The following ZNF562 variants were observed in gnomAD, a reference collection of about 807,000 sequenced individuals.
ZNF562 encodes the protein zinc finger protein 562.
In ZNF562, 13 loss-of-function variants were observed where a neutral mutation model predicts 17.5. The ratio of observed to expected loss-of-function variants is 0.74; its 90% confidence interval spans 0.48 to 1.18. The LOEUF is 1.18. ZNF562 is among the 50% of genes most tolerant of loss of function. The pLI is 0.00. For synonymous variants in ZNF562, 163 were observed against 165.4 expected (o/e 0.99, Z 0.11); for missense variants, 481 against 498.5 (o/e 0.96, Z 0.33).
intron 5 of ZNF562, among the ~76,000 whole-genome samples, chr19:9,655,713 C>CTTTTTTTTTTTTTTT (rs2043444189): frequency 1.8e-5 from 1 of 54,550 alleles, no homozygotes; most frequent in Middle Eastern, 0.013. Context: ...ACTTTCTTTT[C>CTTTTTTTTTTTTTTT]TTTCTTTTTT....
At position 9,647,771 on chromosome 19, in the gene ZNF562, A is replaced by AACCC; in HGVS notation, c.*5174_*5177dup. ...GAGGCTGAGGCAGGAGAACCACTGG[A>AACCC]ACCCAGGAGGTGGAATTTGCAGTAA... is the stretch of plus-strand genomic sequence containing the variant. On this transcript the variant is annotated 3_prime_UTR_variant, in exon 6 of 6. Transcript: ENST00000453372. 6.6e-6 allele frequency: 1 copy of AACCC among 152,300 alleles called. No individual in the cohort carries two copies. Among genetic ancestry groups the AACCC allele is most frequent in the East Asian group, 1.9e-4 (1 of 5,188 alleles). The allele number at this position is 152,300 out of a possible 1,614,324, so 9.4% of individuals were successfully genotyped here.
Position 9,649,666 on chromosome 19 carries a change from A to T in ZNF562, c.*3283T>A, listed in dbSNP as rs11880397. On this transcript the variant is annotated 3_prime_UTR_variant, in exon 6 of 6. Transcript: ENST00000453372. ...TTCCCACCTAATAAATTTTAGTCAG[A>T]CCAGTTGATCTCAAAACCGTCTCCT... The T allele has an allele frequency of 0.13, 19,071 of 152,100 alleles. 1,425 individuals are homozygous for T. Among genetic ancestry groups the T allele is most frequent in the Admixed American group, 0.23 (3,538 of 15,266 alleles). The allele number at this position is 152,100 out of a possible 1,614,324, so 9.4% of individuals were successfully genotyped here.
chr19:9,656,585 C>T lies in ZNF562; in HGVS notation c.310G>A (p.Gly104Ser). The T allele has an allele frequency of 6.2e-7, 1 of 1,613,942 alleles. No homozygotes were observed. The highest frequency in any genetic ancestry group is 8.5e-7 in the Non-Finnish European group (1 of 1,179,966). Residue 104 changes from glycine (G) to serine (S), a missense_variant, in exon 5 of 6, where the codon GGT (glycine) becomes AGT (serine). By Grantham distance (56) the Gly-to-Ser change is moderately conservative. Transcript: ENST00000453372. ...GTGAATATTTGATTCTTCAAAAAAC[C>T]CTGCTGAAGTGATGACCGTTTGGTT... is the stretch of plus-strand genomic sequence containing the variant. ...PRTKRSSLQQGFLKNQIFTGI... is the reference protein window; with the variant it reads ...PRTKRSSLQQSFLKNQIFTGI...
intron 1 of ZNF562, among the ~76,000 whole-genome samples, chr19:9,666,142 T>A (rs2043946950): frequency 6.6e-6 from 1 of 151,722 alleles, no homozygotes; most frequent in Non-Finnish European, 1.5e-5. Context: ...CTGACCAACA[T>A]AGAGAAACAC....
chr19:9,655,717 C>CTTTCTTTTTTTT (rs2043447309), intron 5 of ZNF562, among the ~76,000 whole-genome samples: 9 of 48,688 alleles, frequency 1.8e-4, no homozygotes, highest in African/African-American at 6.5e-4. Context: ...TCTTTTCTTT[C>CTTTCTTTTTTTT]TTTTTTTTTT....
chr19:9,656,871 A>AAAAAAAAAATAT (rs376933513), intron 4 of ZNF562, among the ~76,000 whole-genome samples: 33 of 142,442 alleles, frequency 2.3e-4, no homozygotes, highest in Admixed American at 1.3e-3. Flanking sequence ...AAAATACAAA[A>AAAAAAAAAATAT]ATATATATAT....
At chr19:9,673,237 G>A (rs2044266584) in intron 1 of ZNF562, among the ~76,000 whole-genome samples, 1 of 152,140 alleles carries the variant, frequency 6.6e-6, no homozygotes, top group East Asian at 1.9e-4. Flanking sequence ...CCACGGGGGA[G>A]AGACACAGAA....
At chr19:9,658,605 C>T (rs1411633500) in intron 3 of ZNF562, among the ~76,000 whole-genome samples, 1 of 152,202 alleles carries the variant, frequency 6.6e-6, no homozygotes, top group African/African-American at 2.4e-5. Context: ...CCACCTCAGC[C>T]TCCCAAGGTG....
rs966241111 is a variant in ZNF562 at position 9,675,039 on chromosome 19, A to G, written c.-155T>C. On this transcript the variant is annotated 5_prime_UTR_variant, in exon 1 of 6. Coordinates refer to ENST00000453372, the MANE Select transcript of ZNF562 (RefSeq NM_001130031.2). ...CCACAGCGGGGTGGACTCCACCACAATAAAGGTTAAACGGCACTGACCATG... is the reference window on the plus strand; with the variant it reads ...CCACAGCGGGGTGGACTCCACCACAGTAAAGGTTAAACGGCACTGACCATG... 1 of 152,316 alleles carries G rather than the reference A, an allele frequency of 6.6e-6. No individual in the cohort carries two copies. Among genetic ancestry groups the G allele is most frequent in the African/African-American group, 2.4e-5 (1 of 41,460 alleles). The allele number at this position is 152,316 out of a possible 1,614,324, so 9.4% of individuals were successfully genotyped here.
At position 9,648,658 on chromosome 19, in the gene ZNF562, TTTTTTGTTTTG is replaced by T; in HGVS notation, c.*4280_*4290del. On this transcript the variant is annotated 3_prime_UTR_variant, in exon 6 of 6. Coordinates refer to ENST00000453372, the MANE Select transcript of ZNF562 (RefSeq NM_001130031.2). ...CCATGCATTCACTTCTTCAAGTTTT[TTTTTTGTTTTG>T]TTTTTGTTTTTTTTTTTGAGATGGG... The T allele has an allele frequency of 6.6e-6, 1 of 152,212 alleles. No homozygotes were observed. Among genetic ancestry groups the T allele is most frequent in the South Asian group, 2.1e-4 (1 of 4,822 alleles). The allele number at this position is 152,212 out of a possible 1,614,324, so 9.4% of individuals were successfully genotyped here.
chr19:9,662,852 C>T (rs1293977712), intron 1 of ZNF562, among the ~76,000 whole-genome samples: 1 of 151,850 alleles, frequency 6.6e-6, no homozygotes, highest in South Asian at 2.1e-4. Context: ...GAAACCTCAT[C>T]TCTACTAAAA....
At position 9,650,399 on chromosome 19, in the gene ZNF562, TACAC is replaced by T. The variant is rs1418091575; in HGVS notation, c.*2546_*2549del. On this transcript the variant is annotated 3_prime_UTR_variant, in exon 6 of 6. Coordinates refer to ENST00000453372, the MANE Select transcript of ZNF562 (RefSeq NM_001130031.2). Reference sequence around the variant, plus strand: ...ATGTGTATATATATGTATATATATATACACATACACACACACACACACACACACA... The same window carrying T: ...ATGTGTATATATATGTATATATATATATACACACACACACACACACACACA... The T allele has an allele frequency of 7.2e-6, 1 of 138,662 alleles. No homozygotes were observed. The highest frequency in any genetic ancestry group is 2.9e-5 in the African/African-American group (1 of 34,640). 8.6% of individuals were successfully genotyped at this position (138,662 alleles called of 1,614,324 possible).
chr19:9,663,329 T>C (rs2043827718), intron 1 of ZNF562, among the ~76,000 whole-genome samples: 1 of 147,906 alleles, frequency 6.8e-6, no homozygotes, highest in Non-Finnish European at 1.5e-5. Flanking sequence ...GAGAATGGCA[T>C]GAACCCAGGA....
intron 1 of ZNF562, among the ~76,000 whole-genome samples, chr19:9,667,676 G>A (rs1332283876): frequency 6.6e-6 from 1 of 152,056 alleles, no homozygotes; most frequent in Admixed American, 6.6e-5. Flanking sequence ...CTGCAGCCTT[G>A]GTCTCCTGGG....
chr19:9,648,276 C>T lies in ZNF562; in HGVS notation c.*4673G>A, dbSNP rs1442003505. ...CAAGGTTGATGTAACATTGGAAAAG[C>T]AATAAATACAAATACCACATTTATT... is the stretch of plus-strand genomic sequence containing the variant. On this transcript the variant is annotated 3_prime_UTR_variant, in exon 6 of 6. Transcript: ENST00000453372. 1 of 152,134 alleles carries T rather than the reference C, an allele frequency of 6.6e-6. No homozygotes were observed. Among genetic ancestry groups the T allele is most frequent in the Non-Finnish European group, 1.5e-5 (1 of 68,018 alleles). 9.4% of individuals were successfully genotyped at this position (152,134 alleles called of 1,614,324 possible). A position where few individuals can be genotyped will look rare whatever the true frequency, so the allele number is the denominator to read the frequency against.
rs369842202 is a variant in ZNF562 at position 9,673,261 on chromosome 19, G to A, written c.-131+1754C>T. Among the ~76,000 whole-genome samples the A allele has an allele frequency of 6.0e-4, 91 of 152,200 alleles. 1 individual carries two copies. The South Asian group carries it at 0.01, about 17-fold the overall frequency. On this transcript the variant is annotated intron_variant, in intron 1 of 5. Coordinates refer to ENST00000453372, the MANE Select transcript of ZNF562 (RefSeq NM_001130031.2). ...AGAGACACAGAAGTAGGGACCCAGC[G>A]TTAGAAATAAAAACCCCTTCCCCTC...
intron 5 of ZNF562, among the ~76,000 whole-genome samples, chr19:9,654,767 C>G (rs1473282289): frequency 6.6e-6 from 1 of 152,058 alleles, no homozygotes; most frequent in African/African-American, 2.4e-5. Context: ...TTTATAGAGA[C>G]AGGGTCTTGG....
In ZNF562 at chr19:9,653,282, G is replaced by A. The variant is rs753564833; in HGVS notation, c.948C>T (p.His316=). 16 of 1,614,076 alleles carry A rather than the reference G, an allele frequency of 9.9e-6. No homozygotes were observed. In the Admixed American group the frequency reaches 1.7e-4, roughly 17 times the overall value. ...HIQIHTGIKP[H]KCTECGKAFT... ...AGGCTTTCCCACATTCCGTACATTT[G>A]TGTGGTTTTATTCCAGTGTGAATTT... The change falls in exon 6 of 6, where the codon CAC becomes CAT. Residue 316 remains histidine, a synonymous_variant. Coordinates refer to ENST00000453372, the MANE Select transcript of ZNF562 (RefSeq NM_001130031.2).
chr19:9,670,475 T>G (rs1225177993), intron 1 of ZNF562, among the ~76,000 whole-genome samples: 1 of 151,760 alleles, frequency 6.6e-6, no homozygotes, highest in African/African-American at 2.4e-5. Flanking sequence ...ATGGTATATA[T>G]AGACAGCAGA....
Sources: gnomAD v4.1 joint callset for allele counts (sites outside exome capture counted in the v4.1 genomes callset) on GRCh38, gnomAD v4.1.1 for gene constraint, MANE v1.5 for transcripts, NCBI Gene and HGNC (gene_info 2026-07-23, HGNC 2026-07-21) for gene names.